ADARB2: variants seen among roughly 807,000 people sequenced by gnomAD.
The protein encoded by ADARB2 is adenosine deaminase RNA specific B2 (inactive).
A neutral mutation model predicts 62.2 loss-of-function variants in ADARB2; 25 were observed. The ratio of observed to expected loss-of-function variants is 0.40; its 90% CI spans 0.29 to 0.56. ADARB2 has a LOEUF of 0.56. ADARB2 is among the 20% of genes least tolerant of loss of function. The pLI is 0.43. For synonymous variants in ADARB2, 572 were observed against 500.8 expected (o/e 1.14, Z -1.90); for missense variants, 1,071 against 1,077.4 (o/e 0.99, Z 0.08).
At chr10:1,725,351 G>A (rs532636932) in intron 1 of ADARB2, among the ~76,000 whole-genome samples, 173 of 152,274 alleles carry the variant, frequency 1.1e-3, no homozygotes, top group African/African-American at 4.0e-3. Context: ...CATGGGTAGG[G>A]GGGCCTCTTT....
chr10:1,436,332 T>C (rs188584419), intron 1 of ADARB2, among the ~76,000 whole-genome samples: 57 of 152,360 alleles, frequency 3.7e-4, no homozygotes, highest in African/African-American at 1.1e-3. Flanking sequence ...GTAATTAGCC[T>C]AGGTCTCTTT....
chr10:1,431,801 G>T (rs1830779829), intron 1 of ADARB2, among the ~76,000 whole-genome samples: 1 of 152,092 alleles, frequency 6.6e-6, no homozygotes, highest in East Asian at 1.9e-4. Context: ...GTTTTTAAAA[G>T]AATAAGGGAA....
intron 3 of ADARB2, among the ~76,000 whole-genome samples, chr10:1,294,442 A>T (rs938252638): frequency 6.6e-6 from 1 of 152,060 alleles, no homozygotes; most frequent in Non-Finnish European, 1.5e-5. Flanking sequence ...GCACACTCTG[A>T]GTGTGTGCTG....
At chr10:1,400,697 T>C (rs1217746392) in intron 1 of ADARB2, among the ~76,000 whole-genome samples, 2 of 152,158 alleles carry the variant, frequency 1.3e-5, no homozygotes, top group Non-Finnish European at 2.9e-5. Flanking sequence ...GAGGGGCTGG[T>C]GCCCGGGACG....
chr10:1,195,119 C>A (rs1299395812), intron 8 of ADARB2, among the ~76,000 whole-genome samples: 6 of 152,196 alleles, frequency 3.9e-5, no homozygotes, highest in African/African-American at 7.2e-5. Context: ...TGCTGAAGCA[C>A]CTCTCAGCCC....
intron 1 of ADARB2, among the ~76,000 whole-genome samples, chr10:1,579,282 G>T (rs534045584): frequency 6.6e-6 from 1 of 152,130 alleles, no homozygotes; most frequent in African/African-American, 2.4e-5. Flanking sequence ...TGAATAGAAG[G>T]CACAATTTAC....
intron 1 of ADARB2, among the ~76,000 whole-genome samples, chr10:1,393,844 A>T (rs1015943098): frequency 6.6e-6 from 1 of 151,800 alleles, no homozygotes; most frequent in African/African-American, 2.4e-5. Context: ...TATTTAAATT[A>T]GGAAAATAGT....
chr10:1,387,726 G>T (rs1832536714), intron 1 of ADARB2, among the ~76,000 whole-genome samples: 2 of 151,940 alleles, frequency 1.3e-5, no homozygotes, highest in Non-Finnish European at 2.9e-5. Context: ...AAATGGAAGG[G>T]GGTGGACTAT....
chr10:1,535,958 A>G (rs923275458), intron 1 of ADARB2, among the ~76,000 whole-genome samples: 4 of 152,192 alleles, frequency 2.6e-5, no homozygotes, highest in African/African-American at 9.7e-5. Context: ...GGAGGCAGAC[A>G]TCAAATCTCT....
intron 1 of ADARB2, among the ~76,000 whole-genome samples, chr10:1,566,945 T>C (rs764304390): frequency 2.0e-5 from 3 of 152,152 alleles, no homozygotes; most frequent in Non-Finnish European, 2.9e-5. Flanking sequence ...TGAAGAAGTA[T>C]AAATATACAA....
intron 1 of ADARB2, among the ~76,000 whole-genome samples, chr10:1,466,489 C>A (rs953101515): frequency 2.0e-5 from 3 of 152,166 alleles, no homozygotes; most frequent in Non-Finnish European, 4.4e-5. Flanking sequence ...GCGACGGCCG[C>A]ACACATGGTG....
rs533135881 is a variant in ADARB2, at chr10:1,262,333, A to G, written c.1192+8622T>C. Among the ~76,000 whole-genome samples, 73 of 146,282 alleles carry G rather than the reference A, an allele frequency of 5.0e-4. No individual in the cohort carries two copies. In the East Asian group the frequency reaches 0.013, roughly 26 times the overall value. Reference sequence around the variant, plus strand: ...AATAATAATAATAAAAGAAACCACCATCAGAGTGAACAGGCAGCCTACAGA... The same window carrying G: ...AATAATAATAATAAAAGAAACCACCGTCAGAGTGAACAGGCAGCCTACAGA... On this transcript the variant is annotated intron_variant, in intron 4 of 9. Coordinates refer to ENST00000381312, the MANE Select transcript of ADARB2 (RefSeq NM_018702.4).
chr10:1,429,025 T>C (rs1431650246), intron 1 of ADARB2, among the ~76,000 whole-genome samples: 2 of 141,182 alleles, frequency 1.4e-5, no homozygotes, highest in Admixed American at 1.4e-4. Context: ...ATCAGGTGGG[T>C]GGGGGCACCA....
At chr10:1,305,398 G>C (rs963974855) in intron 3 of ADARB2, among the ~76,000 whole-genome samples, 6 of 151,868 alleles carry the variant, frequency 4.0e-5, no homozygotes, top group African/African-American at 1.4e-4. Context: ...TCTGAAATTG[G>C]GGCAATAATC....
intron 3 of ADARB2, among the ~76,000 whole-genome samples, chr10:1,356,113 C>T (rs757101208): frequency 3.4e-4 from 51 of 152,194 alleles, no homozygotes; most frequent in South Asian, 1.5e-3. Context: ...TTTTTCTGGC[C>T]GTCAGCACCT....
chr10:1,341,869 C>A (rs946799068), intron 3 of ADARB2, among the ~76,000 whole-genome samples: 3 of 152,264 alleles, frequency 2.0e-5, no homozygotes, highest in African/African-American at 7.2e-5. Flanking sequence ...GCAGCGATAA[C>A]CAGCATCCAC....
At chr10:1,482,002 A>G (rs1476160968) in intron 1 of ADARB2, among the ~76,000 whole-genome samples, 2 of 152,264 alleles carry the variant, frequency 1.3e-5, no homozygotes, top group African/African-American at 2.4e-5. Flanking sequence ...GATGCTCAAC[A>G]TGACAAATTA....
At chr10:1,362,743 C>A (rs1465259670) in intron 3 of ADARB2, among the ~76,000 whole-genome samples, 9 of 152,214 alleles carry the variant, frequency 5.9e-5, no homozygotes, top group African/African-American at 2.2e-4. Context: ...CGAAACCTGG[C>A]ACGGGGGACC....
chr10:1,721,052 A>G (rs1355787583), intron 1 of ADARB2, among the ~76,000 whole-genome samples: 1 of 152,200 alleles, frequency 6.6e-6, no homozygotes, highest in Non-Finnish European at 1.5e-5. Flanking sequence ...AGTTAACATA[A>G]CTGAAAACAA....
Sources: allele counts gnomAD v4.1 joint callset (sites outside exome capture counted in the v4.1 genomes callset), GRCh38; gene constraint gnomAD v4.1.1; transcripts MANE v1.5; gene names NCBI Gene and HGNC (gene_info 2026-07-23, HGNC 2026-07-21).